CDC42BPA: variants seen among roughly 807,000 people sequenced by gnomAD.
CDC42BPA encodes the protein CDC42 binding protein kinase alpha.
In CDC42BPA, 80 loss-of-function variants were observed where a neutral mutation model predicts 223.5. That is an observed-to-expected ratio of 0.36 (90% confidence interval 0.30 to 0.43). The LOEUF is 0.43. Ranked by LOEUF, CDC42BPA falls within the 20% of genes least tolerant of loss-of-function variation. The pLI, the probability that CDC42BPA is intolerant of heterozygous loss-of-function variation, is 1.00. For missense variants in CDC42BPA, 1,743 were observed against 2,099.9 expected, an observed-to-expected ratio of 0.83 and a Z score of 3.32; for synonymous variants, 694 against 718.6, an observed-to-expected ratio of 0.97 and a Z score of 0.55.
intron 35 of CDC42BPA, among the ~76,000 whole-genome samples, chr1:226,995,220 C>A (rs1225220272): frequency 6.6e-6 from 1 of 152,230 alleles, no homozygotes; most frequent in Non-Finnish European, 1.5e-5. Context: ...ACTCTCTAGG[C>A]TGTGCCATCT....
intron 6 of CDC42BPA, among the ~76,000 whole-genome samples, chr1:227,156,445 T>C (rs369139325): frequency 6.4e-3 from 18 of 2,802 alleles, no homozygotes; most frequent in Admixed American, 0.016. Flanking sequence ...AGGCCTGCCA[T>C]AGGCCTCTCA....
Position 227,176,207 on chromosome 1 carries a change from C to T in CDC42BPA, c.600-15571G>A, listed in dbSNP as rs535736349. Among the ~76,000 whole-genome samples the T allele has an allele frequency of 1.6e-4, 24 of 152,204 alleles. 1 individual carries two copies. The highest frequency in any genetic ancestry group is 5.8e-4 in the African/African-American group (24 of 41,528). ...ATCTTAAGTGATCTGCCCGCCTTGG[C>T]CTCTCAAAGTGCTAATATTACAGGT... On this transcript the variant is annotated intron_variant, in intron 5 of 36. Coordinates refer to ENST00000366766, the MANE Select transcript of CDC42BPA (RefSeq NM_001394014.1).
At position 227,261,124 on chromosome 1, in the gene CDC42BPA, C is replaced by CTTTTTTTTTTTTTTTTTTTTTTT. The variant is rs386369874; in HGVS notation, c.179-6970_179-6969insAAAAAAAAAAAAAAAAAAAAAAA. Among the ~76,000 whole-genome samples the CTTTTTTTTTTTTTTTTTTTTTTT allele has an allele frequency of 5.0e-5, 6 of 121,020 alleles. 1 individual carries two copies. The highest frequency in any genetic ancestry group is 6.7e-5 in the Non-Finnish European group (4 of 59,694). The allele number at this position is 121,020 out of a possible 152,430, so 79.4% of individuals were successfully genotyped here. ...TTTTTAACAGAATAATTGAGTTTTT[C>CTTTTTTTTTTTTTTTTTTTTTTT]TTTTTTTTTGAGACAGAGTCTCGCT... is the stretch of plus-strand genomic sequence containing the variant. On this transcript the variant is annotated intron_variant, in intron 1 of 36. Transcript: ENST00000366766.
intron 8 of CDC42BPA, among the ~76,000 whole-genome samples, chr1:227,144,421 A>G (rs1571949996): frequency 1.3e-5 from 2 of 152,122 alleles, no homozygotes; most frequent in East Asian, 1.9e-4. Flanking sequence ...CTAAAAACAT[A>G]AAAGTTAGCC....
intron 1 of CDC42BPA, among the ~76,000 whole-genome samples, chr1:227,313,576 A>T (rs1479588685): frequency 6.6e-6 from 1 of 152,210 alleles, no homozygotes. Flanking sequence ...TCTAGTTGAG[A>T]ACTTAAATAA....
At chr1:227,278,047 C>T (rs1369419664) in intron 1 of CDC42BPA, among the ~76,000 whole-genome samples, 1 of 152,222 alleles carries the variant, frequency 6.6e-6, no homozygotes, top group Non-Finnish European at 1.5e-5. Flanking sequence ...CCGCACCCAG[C>T]CACCCTTAGT....
intron 2 of CDC42BPA, among the ~76,000 whole-genome samples, chr1:227,245,691 T>C (rs904987578): frequency 6.6e-6 from 1 of 152,108 alleles, no homozygotes; most frequent in Non-Finnish European, 1.5e-5. Flanking sequence ...TCCCCAATGA[T>C]ATTTCTAGAC....
intron 12 of CDC42BPA, among the ~76,000 whole-genome samples, chr1:227,116,301 G>T (rs973568742): frequency 2.0e-5 from 3 of 152,048 alleles, no homozygotes; most frequent in African/African-American, 7.2e-5. Flanking sequence ...CTTATTAAAG[G>T]ACAAGAATCA....
At chr1:227,271,093 G>T (rs937739531) in intron 1 of CDC42BPA, among the ~76,000 whole-genome samples, 3 of 152,074 alleles carry the variant, frequency 2.0e-5, no homozygotes, top group African/African-American at 7.2e-5. Context: ...GGTTAAAAAT[G>T]GGTTTTTAAT....
chr1:227,313,788 TAATA>T (rs1433429182), intron 1 of CDC42BPA, among the ~76,000 whole-genome samples: 1 of 152,104 alleles, frequency 6.6e-6, no homozygotes, highest in African/African-American at 2.4e-5. Flanking sequence ...AAAACTATAC[TAATA>T]AAAAGAAAAG....
At position 227,188,752 on chromosome 1, in the gene CDC42BPA, G is replaced by A. The variant is rs143530140; in HGVS notation, c.599+5034C>T. On this transcript the variant is annotated intron_variant, in intron 5 of 36. Transcript: ENST00000366766. Reference sequence around the variant, plus strand: ...ATTTTTAGGGCAGTGAAATTATTCCGCATAATACTATTATGGCGGATACAC... The same window carrying A: ...ATTTTTAGGGCAGTGAAATTATTCCACATAATACTATTATGGCGGATACAC... Among the ~76,000 whole-genome samples the A allele has an allele frequency of 1.9e-3, 292 of 152,268 alleles. 1 individual carries two copies. The highest frequency in any genetic ancestry group is 4.4e-3 in the Admixed American group (68 of 15,290).
intron 19 of CDC42BPA, among the ~76,000 whole-genome samples, chr1:227,073,624 G>A (rs950378417): frequency 1.3e-5 from 2 of 151,894 alleles, no homozygotes; most frequent in Admixed American, 6.6e-5. Flanking sequence ...TTAAATAATG[G>A]AATATTATTT....
At chr1:227,146,439 GGAA>G (rs1470076146) in intron 7 of CDC42BPA, among the ~76,000 whole-genome samples, 2 of 152,064 alleles carry the variant, frequency 1.3e-5, no homozygotes, top group South Asian at 2.1e-4. Flanking sequence ...TTTGCAAACA[GGAA>G]GAAGAATATA....
intron 21 of CDC42BPA, among the ~76,000 whole-genome samples, chr1:227,065,919 A>C (rs954840850): frequency 5.3e-5 from 8 of 152,202 alleles, no homozygotes; most frequent in Non-Finnish European, 8.8e-5. Flanking sequence ...CTGCAATTCA[A>C]ACTTTAGGTC....
intron 1 of CDC42BPA, among the ~76,000 whole-genome samples, chr1:227,280,423 T>C (rs1687823795): frequency 6.6e-6 from 1 of 152,202 alleles, no homozygotes; most frequent in Non-Finnish European, 1.5e-5. Flanking sequence ...GTGAGAAATA[T>C]GCCTTTATTT....
intron 6 of CDC42BPA, among the ~76,000 whole-genome samples, chr1:227,155,769 G>A (rs529115812): frequency 6.6e-5 from 10 of 152,202 alleles, no homozygotes; most frequent in South Asian, 2.1e-4. Context: ...ACTATGACAC[G>A]ACGATGAGTA....
chr1:227,000,745 G>GT (rs1180087721), intron 35 of CDC42BPA, among the ~76,000 whole-genome samples: 4 of 150,986 alleles, frequency 2.6e-5, no homozygotes, highest in South Asian at 2.1e-4. Flanking sequence ...TTTCCAGTAT[G>GT]TTTTTTTCAC....
Position 227,033,391 on chromosome 1 carries a change from T to G in CDC42BPA, c.3501A>C (p.Ser1167=). Residue 1167 remains serine, a synonymous_variant, in exon 27 of 37, where the codon TCA becomes TCC. Coordinates refer to ENST00000366766, the MANE Select transcript of CDC42BPA (RefSeq NM_001394014.1). ...CATGGATAACATCAGAAGCCAAGAC[T>G]GAACTCACAGAAAATTCTTCATCCC... ...DMRDEEFSVS[S]VLASDVIHAS... is the part of the protein sequence containing the mutation. The G allele has an allele frequency of 6.2e-7, 1 of 1,613,516 alleles. No homozygotes were observed. The highest frequency in any genetic ancestry group is 2.2e-5 in the East Asian group (1 of 44,850).
chr1:227,171,490 G>A (rs1666093074), intron 5 of CDC42BPA, among the ~76,000 whole-genome samples: 2 of 152,056 alleles, frequency 1.3e-5, no homozygotes, highest in African/African-American at 2.4e-5. Flanking sequence ...CCACGCCTGC[G>A]CTAGTGGTCC....
Sources: allele counts gnomAD v4.1 joint callset (sites outside exome capture counted in the v4.1 genomes callset), GRCh38; gene constraint gnomAD v4.1.1; transcripts MANE v1.5; gene names NCBI Gene and HGNC (gene_info 2026-07-23, HGNC 2026-07-21).